Variants in CD300LG observed in about 807,000 individuals in gnomAD.
CD300LG encodes the protein CMRF35-like molecule 9.
CD300LG carries 29 observed loss-of-function variants against 31.5 expected under a neutral mutation model. The observed-to-expected ratio is 0.92, with a 90% CI of 0.68 to 1.25. CD300LG has a LOEUF of 1.25. CD300LG is among the 50% of genes most tolerant of loss of function. The pLI is 0.00. For synonymous variants in CD300LG, 175 were observed against 177.2 expected, an observed-to-expected ratio of 0.99 and a Z score of 0.10; for missense variants, 396 against 417.6, an observed-to-expected ratio of 0.95 and a Z score of 0.45.
At chr17:43,860,671 C>T (rs1425311391) in intron 6 of CD300LG, among the ~76,000 whole-genome samples, 3 of 152,202 alleles carry the variant, frequency 2.0e-5, no homozygotes, top group African/African-American at 2.4e-5. Context: ...TTGCTCAGAC[C>T]CATCATCTCA....
At position 43,853,863 on chromosome 17, in the gene CD300LG, G is replaced by A. The variant is rs2046432029; in HGVS notation, c.538G>A (p.Glu180Lys). 6.2e-7 allele frequency: 1 copy of A among 1,614,032 alleles called. No homozygotes were observed. Among genetic ancestry groups the A allele is most frequent in the Admixed American group, 1.7e-5 (1 of 60,004 alleles). ...TTAKQGKTGAEAPPLPGTSQY... is the reference protein window; with the variant it reads ...TTAKQGKTGAKAPPLPGTSQY... ...AGCCAAGCAGGGGAAGACAGGGGCTGAGGCCCCTCCATTGCCAGGGACTTC... is the reference window on the plus strand; with the variant it reads ...AGCCAAGCAGGGGAAGACAGGGGCTAAGGCCCCTCCATTGCCAGGGACTTC... The change falls in exon 4 of 7, where the codon GAG becomes AAG. Residue 180 changes from glutamate (E) to lysine (K), a missense_variant. Physicochemically the swap from Glu to Lys is moderately conservative, Grantham distance 56. Transcript: ENST00000317310.
rs745606836 is a variant in CD300LG at position 43,848,692 on chromosome 17, C to G, written c.178C>G (p.Arg60Gly). The change falls in exon 2 of 7, where the codon CGC becomes GGC. Residue 60 changes from arginine (R) to glycine (G), a missense_variant. By Grantham distance (125) the Arg-to-Gly change is moderately radical. Coordinates refer to ENST00000317310, the MANE Select transcript of CD300LG (RefSeq NM_145273.4). Reference sequence around the variant, plus strand: ...CAGGAAGGGTGGGATCCTCTTCTCTCGCTGCTCTGGCACCATCTATGCAGA... The same window carrying G: ...CAGGAAGGGTGGGATCCTCTTCTCTGGCTGCTCTGGCACCATCTATGCAGA... ...WCRKGGILFS[R>G]CSGTIYAEEE... 3.1e-6 allele frequency: 5 copies of G among 1,614,136 alleles called. No individual in the cohort carries two copies. The South Asian group carries it at 4.4e-5, about 14-fold the overall frequency.
intron 6 of CD300LG, chr17:43,857,419 T>TGTGA (rs1239991087): frequency 2.0e-6 from 3 of 1,537,098 alleles, no homozygotes; most frequent in Non-Finnish European, 2.6e-6. Flanking sequence ...CCAGGAGCCA[T>TGTGA]GTGAGCATCT....
intron 3 of CD300LG, 89 bp from the exon 4 acceptor site, chr17:43,853,718 C>A: frequency 9.4e-7 from 1 of 1,064,522 alleles, no homozygotes; most frequent in Non-Finnish European, 1.4e-6. Flanking sequence ...CCCAGGGAGG[C>A]TAGGGTTCAG....
In CD300LG at chr17:43,850,452, TATTCATTC is replaced by T. The variant is rs147005101; in HGVS notation, c.379+1583_379+1590del. Among the ~76,000 whole-genome samples, 167 of 151,434 alleles carry T rather than the reference TATTCATTC, an allele frequency of 1.1e-3. 2 individuals carry two copies. The highest frequency in any genetic ancestry group is 3.4e-3 in the African/African-American group (139 of 40,794). ...TCTTTTCTTTTTATTTATTTATTTT[TATTCATTC>T]ATTCATTCATTCATTCATTCATTTT... On this transcript the variant is annotated intron_variant, in intron 2 of 6. Coordinates refer to ENST00000317310, the MANE Select transcript of CD300LG (RefSeq NM_145273.4).
At chr17:43,858,079 A>G (rs2046576483) in intron 6 of CD300LG, 1 of 1,410,918 alleles carries the variant, frequency 7.1e-7, no homozygotes, top group East Asian at 2.6e-5. Context: ...CCTCCACTCC[A>G]TTCCTTTAAA....
Position 43,848,692 on chromosome 17 carries a change from C to A in CD300LG, c.178C>A (p.Arg60Ser), listed in dbSNP as rs745606836. ...WCRKGGILFS[R>S]CSGTIYAEEE... ...CAGGAAGGGTGGGATCCTCTTCTCT[C>A]GCTGCTCTGGCACCATCTATGCAGA... The change falls in exon 2 of 7, where the codon CGC becomes AGC. Residue 60 changes from arginine (R) to serine (S), a missense_variant. Physicochemically the swap from Arg to Ser is moderately radical, Grantham distance 110. Coordinates refer to ENST00000317310, the MANE Select transcript of CD300LG (RefSeq NM_145273.4). 1 of 1,614,136 alleles carries A rather than the reference C, an allele frequency of 6.2e-7. No homozygotes were observed. Among genetic ancestry groups the A allele is most frequent in the South Asian group, 1.1e-5 (1 of 91,080 alleles).
At chr17:43,861,338 A>C (rs936809567) in intron 6 of CD300LG, 110 of 960,982 alleles carry the variant, frequency 1.1e-4, no homozygotes, top group Non-Finnish European at 1.3e-4. Context: ...AAGTGGAAGG[A>C]GGCCTTTTCC....
intron 6 of CD300LG, chr17:43,857,543 C>G: frequency 6.9e-7 from 1 of 1,445,730 alleles, no homozygotes; most frequent in Non-Finnish European, 9.4e-7. Flanking sequence ...TGAAGCAAAT[C>G]GCCTTTCAGA....
chr17:43,847,568 A>G (rs1040588195), intron 1 of CD300LG, among the ~76,000 whole-genome samples: 14 of 152,186 alleles, frequency 9.2e-5, no homozygotes, highest in Non-Finnish European at 2.1e-4. Flanking sequence ...GGCGGACAAG[A>G]CACCCCATCT....
intron 2 of CD300LG, among the ~76,000 whole-genome samples, chr17:43,851,617 T>C (rs2046357720): frequency 6.7e-6 from 1 of 149,392 alleles, no homozygotes; most frequent in African/African-American, 2.5e-5. Flanking sequence ...TTCTGCCCAC[T>C]GTGCTGGGCA....
At chr17:43,852,554 A>G (rs894970138) in intron 2 of CD300LG, among the ~76,000 whole-genome samples, 1 of 152,234 alleles carries the variant, frequency 6.6e-6, no homozygotes, top group Non-Finnish European at 1.5e-5. Context: ...CATACTAAAA[A>G]GTTTGAACTT....
At chr17:43,861,353 C>G in intron 6 of CD300LG, 1 of 895,300 alleles carries the variant, frequency 1.1e-6, no homozygotes, top group South Asian at 5.1e-5. Context: ...TTTTCCTCAG[C>G]ATCTGCTCCC....
chr17:43,850,031 G>A (rs935869634), intron 2 of CD300LG: 2 of 152,140 alleles, frequency 1.3e-5, no homozygotes, highest in African/African-American at 2.4e-5. Context: ...TTGTGTTTTA[G>A]GTTTACCCTC....
intron 5 of CD300LG, 23 bp downstream of exon 5, chr17:43,855,342 A>G: frequency 6.9e-7 from 1 of 1,456,938 alleles, no homozygotes; most frequent in Non-Finnish European, 9.2e-7. Flanking sequence ...GGGCGGCAGG[A>G]AGGCGGGAGG....
At chr17:43,858,028 G>GC in intron 6 of CD300LG, 1 of 1,444,764 alleles carries the variant, frequency 6.9e-7, no homozygotes. Context: ...GGCAACAGAA[G>GC]CCCCTCCTGG....
intron 1 of CD300LG, 59 bp from the exon 2 acceptor site, chr17:43,848,499 C>A: frequency 7.3e-7 from 1 of 1,377,142 alleles, no homozygotes; most frequent in Non-Finnish European, 1.0e-6. Context: ...GAAGCTCTGG[C>A]CTTGACCTTG....
chr17:43,851,508 G>A (rs1187219736), intron 2 of CD300LG, among the ~76,000 whole-genome samples: 1 of 152,162 alleles, frequency 6.6e-6, no homozygotes, highest in African/African-American at 2.4e-5. Context: ...AAGAGGGAGA[G>A]TCCAGGATGG....
At chr17:43,861,193 G>T in intron 6 of CD300LG, 1 of 985,394 alleles carries the variant, frequency 1.0e-6, no homozygotes, top group Non-Finnish European at 1.2e-6. Context: ...GGCCCATGGG[G>T]TCTCTCACCA....
Sources: allele counts gnomAD v4.1 joint callset (sites outside exome capture counted in the v4.1 genomes callset), GRCh38; gene constraint gnomAD v4.1.1; transcripts MANE v1.5; gene names NCBI Gene and HGNC (gene_info 2026-07-23, HGNC 2026-07-21).